MYH16: variants seen among roughly 807,000 people sequenced by gnomAD.
The protein encoded by MYH16 is myosin heavy chain 16.
intron 32 of MYH16, among the ~76,000 whole-genome samples, chr7:99,293,028 G>C (rs1433988054): frequency 6.6e-6 from 1 of 151,984 alleles, no homozygotes; most frequent in East Asian, 1.9e-4. Context: ...AGTGGCTCTG[G>C]GCCTCTCTCT....
At chr7:99,272,868 G>A (rs1792066382) in intron 19 of MYH16, among the ~76,000 whole-genome samples, 1 of 152,170 alleles carries the variant, frequency 6.6e-6, no homozygotes, top group African/African-American at 2.4e-5. Flanking sequence ...TGGACTGAAG[G>A]CAGGGATACC....
At chr7:99,256,550 G>C (rs921358941) in intron 9 of MYH16, among the ~76,000 whole-genome samples, 1 of 152,158 alleles carries the variant, frequency 6.6e-6, no homozygotes, top group African/African-American at 2.4e-5. Flanking sequence ...AAGGCAGGGG[G>C]ATCACTTGAG....
At chr7:99,310,307 G>A (rs1186724910), downstream of MYH16, among the ~76,000 whole-genome samples, 2 of 152,160 alleles carry the variant, frequency 1.3e-5, no homozygotes, top group Non-Finnish European at 2.9e-5. Context: ...TCTACTGGGT[G>A]CAAGTATTCC....
intron 2 of MYH16, chr7:99,243,517 C>T (rs1217667639): frequency 1.3e-5 from 2 of 152,598 alleles, no homozygotes; most frequent in East Asian, 3.8e-4. Context: ...ACTCCACCCT[C>T]CCCAGCTCCC....
At chr7:99,269,690 C>T (rs944236639) in intron 18 of MYH16, among the ~76,000 whole-genome samples, 22 of 152,158 alleles carry the variant, frequency 1.4e-4, no homozygotes, top group Non-Finnish European at 1.9e-4. Context: ...TCCTCCATGA[C>T]GTGCTTTTAT....
exon 30 of MYH16, chr7:99,289,353 G>C (rs1191606651): frequency 2.2e-6 from 1 of 445,536 alleles, no homozygotes; most frequent in Non-Finnish European, 4.5e-6. Context: ...CAAGGTGGCA[G>C]AGCTAGAGCG....
intron 2 of MYH16, chr7:99,243,565 C>T (rs1457697337): frequency 2.6e-5 from 4 of 152,382 alleles, no homozygotes; most frequent in South Asian, 2.1e-4. Flanking sequence ...ACAGGGACCA[C>T]GTTTCTGACA....
intron 20 of MYH16, among the ~76,000 whole-genome samples, chr7:99,275,666 G>A (rs954900744): frequency 2.0e-5 from 3 of 151,990 alleles, no homozygotes; most frequent in Admixed American, 2.0e-4. Flanking sequence ...GCAAGACATG[G>A]TAGCAACAGC....
chr7:99,288,666 C>T (rs1449598683), intron 29 of MYH16, among the ~76,000 whole-genome samples: 2 of 151,694 alleles, frequency 1.3e-5, no homozygotes, highest in South Asian at 2.1e-4. Context: ...CCAGCCTGGG[C>T]GACAGAGCAA....
intron 11 of MYH16, among the ~76,000 whole-genome samples, chr7:99,258,924 G>T (rs1225982740): frequency 6.6e-6 from 1 of 152,120 alleles, no homozygotes; most frequent in Non-Finnish European, 1.5e-5. Context: ...TGACAATTCT[G>T]CATGGCTGGG....
intron 1 of MYH16, among the ~76,000 whole-genome samples, chr7:99,241,859 G>GTTTTTTTTTTTTTTTTT (rs71930898): frequency 1.4e-5 from 2 of 146,548 alleles, no homozygotes; most frequent in Non-Finnish European, 1.5e-5. Flanking sequence ...GCTGGCACTA[G>GTTTTTTTTTTTTTTTTT]TTTTTTTTTT....
chr7:99,274,057 G>A (rs1220800111), intron 20 of MYH16, among the ~76,000 whole-genome samples: 13 of 152,240 alleles, frequency 8.5e-5, no homozygotes, highest in Non-Finnish European at 1.3e-4. Context: ...TGGGCATGTT[G>A]AGGCATCTTC....
At chr7:99,269,601 T>C (rs982935143) in intron 18 of MYH16, among the ~76,000 whole-genome samples, 1 of 152,184 alleles carries the variant, frequency 6.6e-6, no homozygotes, top group African/African-American at 2.4e-5. Context: ...CAAAAATAGC[T>C]TTAGCACATA....
intron 38 of MYH16, among the ~76,000 whole-genome samples, chr7:99,302,311 A>AAATATAT (rs1298937302): frequency 9.1e-6 from 1 of 109,510 alleles, no homozygotes; most frequent in African/African-American, 4.6e-5. Context: ...AAAAAAAAAA[A>AAATATAT]ATATATACAC....
intron 9 of MYH16, among the ~76,000 whole-genome samples, chr7:99,256,102 A>T (rs1251351513): frequency 6.6e-6 from 1 of 151,922 alleles, no homozygotes; most frequent in Non-Finnish European, 1.5e-5. Flanking sequence ...TTCCTGATTT[A>T]TCTTTGCCTT....
At chr7:99,299,932 TTTA>T (rs1249785818) in intron 37 of MYH16, among the ~76,000 whole-genome samples, 80 of 60,216 alleles carry the variant, frequency 1.3e-3, no homozygotes, top group Middle Eastern at 5.9e-3. Context: ...TTTTATTTTA[TTTA>T]TTTATTTATT....
rs1251850223 is a variant in MYH16 at position 99,283,724 on chromosome 7, T to C, written n.3079+73T>C. On this transcript the variant is annotated intron_variant and non_coding_transcript_variant, in intron 24 of 41. Transcript: ENST00000439784. Reference sequence around the variant, plus strand: ...CTCTGGGGGCACGGGGTCCGAAGATTAGTTTTGAGAACTGGACCAACACAT... The same window carrying C: ...CTCTGGGGGCACGGGGTCCGAAGATCAGTTTTGAGAACTGGACCAACACAT... 9 of 453,226 alleles carry C rather than the reference T, an allele frequency of 2.0e-5. No individual in the cohort carries two copies. The Admixed American group carries it at 2.1e-4, about 11-fold the overall frequency. 28.1% of individuals were successfully genotyped at this position (453,226 alleles called of 1,614,324 possible). A position where few individuals can be genotyped will look rare whatever the true frequency, so the allele number is the denominator to read the frequency against.
chr7:99,267,703 A>C (rs1426401116), intron 18 of MYH16, among the ~76,000 whole-genome samples: 1 of 152,198 alleles, frequency 6.6e-6, no homozygotes, highest in Non-Finnish European at 1.5e-5. Context: ...CTCCTGACTC[A>C]TGGGGCCCGA....
chr7:99,273,285 G>A (rs1792069760), intron 19 of MYH16, 57 bp from the exon 2 acceptor site: 5 of 455,420 alleles, frequency 1.1e-5, no homozygotes, highest in South Asian at 7.8e-5. Flanking sequence ...CTTCCCCAGG[G>A]AAGCCAGGTC....
Sources: allele counts gnomAD v4.1 joint callset (sites outside exome capture counted in the v4.1 genomes callset), GRCh38; gene constraint gnomAD v4.1.1; transcripts MANE v1.5; gene names NCBI Gene and HGNC (gene_info 2026-07-23, HGNC 2026-07-21).